Variants in MMP26 observed in about 807,000 individuals in gnomAD.
MMP26 encodes matrix metallopeptidase 26, also known as matrix metalloproteinase-26.
MMP26 carries 33 observed loss-of-function variants against 31.0 expected under a neutral mutation model. The observed-to-expected ratio is 1.06, with a 90% confidence interval of 0.81 to 1.42. MMP26 has a LOEUF of 1.42. MMP26 is among the 40% of genes most tolerant of loss of function. The pLI is 0.00. For missense variants in MMP26, 347 were observed against 316.1 expected (o/e 1.10, Z -0.74); for synonymous variants, 122 against 114.9 (o/e 1.06, Z -0.40).
chr11:4,987,851 T>C (rs967353750), intron 2 of MMP26, among the ~76,000 whole-genome samples: 3 of 152,190 alleles, frequency 2.0e-5, no homozygotes, highest in African/African-American at 4.8e-5. Context: ...AATTATTCTA[T>C]AGATAAAGCT....
At chr11:4,990,834 C>A (rs1033716850) in intron 5 of MMP26, 88 bp downstream of exon 5, 10 of 1,379,300 alleles carry the variant, frequency 7.3e-6, no homozygotes, top group Non-Finnish European at 9.7e-6. Context: ...CCTAGCCCCC[C>A]TATTAAAGTT....
At chr11:4,989,380 C>T (rs919493799) in intron 3 of MMP26, among the ~76,000 whole-genome samples, 1 of 152,110 alleles carries the variant, frequency 6.6e-6, no homozygotes, top group South Asian at 2.1e-4. Flanking sequence ...TTGGGTTTCT[C>T]CATCCTAAAA....
intron 2 of MMP26, among the ~76,000 whole-genome samples, chr11:4,962,921 G>A (rs1163704603): frequency 1.3e-5 from 2 of 152,160 alleles, no homozygotes; most frequent in African/African-American, 4.8e-5. Context: ...TCAAAGTACA[G>A]GGGAAATAGA....
intron 2 of MMP26, among the ~76,000 whole-genome samples, chr11:4,771,118 T>C (rs561140293): frequency 6.6e-6 from 1 of 152,236 alleles, no homozygotes; most frequent in South Asian, 2.1e-4. Context: ...ATCAGGTAGA[T>C]GGAGAATTTT....
chr11:4,878,473 C>T (rs74054616), intron 2 of MMP26, among the ~76,000 whole-genome samples: 2,057 of 152,076 alleles, frequency 0.014, 54 homozygotes, highest in African/African-American at 0.047. Flanking sequence ...ATGGTGCATT[C>T]AGTGAGTTGG....
chr11:4,928,443 A>G (rs1329595614), intron 2 of MMP26, among the ~76,000 whole-genome samples: 1 of 152,192 alleles, frequency 6.6e-6, no homozygotes, highest in Non-Finnish European at 1.5e-5. Flanking sequence ...TTTAACTACC[A>G]ACGTCTGTAT....
At chr11:4,723,317 GC>G in intron 1 of MMP26, 1 of 978,136 alleles carries the variant, frequency 1.0e-6, no homozygotes, top group South Asian at 1.3e-5. Context: ...GCCAGCATCT[GC>G]AGCTCCTCAT....
At chr11:4,935,314 AG>A (rs1304666295) in intron 2 of MMP26, among the ~76,000 whole-genome samples, 1 of 151,544 alleles carries the variant, frequency 6.6e-6, no homozygotes, top group East Asian at 1.9e-4. Context: ...TTGGATTCCT[AG>A]GTATTTTATT....
intron 1 of MMP26, chr11:4,710,051 A>T (rs867279373): frequency 2.2e-6 from 1 of 456,224 alleles, no homozygotes; most frequent in African/African-American, 2.0e-5. Context: ...TAGTGCCTCT[A>T]CTCCTGCTCC....
chr11:4,911,174 A>T (rs1218310182), intron 2 of MMP26, among the ~76,000 whole-genome samples: 1 of 152,174 alleles, frequency 6.6e-6, no homozygotes, highest in Non-Finnish European at 1.5e-5. Context: ...TCTTGACAAG[A>T]ATTATTTATA....
chr11:4,758,811 T>TA (rs1423400337), intron 1 of MMP26, among the ~76,000 whole-genome samples: 4 of 151,944 alleles, frequency 2.6e-5, no homozygotes, highest in African/African-American at 7.2e-5. Flanking sequence ...ATACGACTTT[T>TA]AAAAAATGAC....
chr11:4,718,056 A>G (rs2133271930), intron 1 of MMP26, among the ~76,000 whole-genome samples: 1 of 152,326 alleles, frequency 6.6e-6, no homozygotes, highest in Non-Finnish European at 1.5e-5. Context: ...TATCACGAAT[A>G]GACTGTATGC....
chr11:4,861,784 A>G (rs1850164390), intron 2 of MMP26, among the ~76,000 whole-genome samples: 1 of 152,110 alleles, frequency 6.6e-6, no homozygotes, highest in Non-Finnish European at 1.5e-5. Context: ...CTTCTAATAC[A>G]TTCTTCATTT....
intron 1 of MMP26, chr11:4,736,390 C>T (rs1564897832): frequency 6.6e-6 from 1 of 152,130 alleles, no homozygotes; most frequent in Non-Finnish European, 1.5e-5. Flanking sequence ...GTGCTAAAGA[C>T]CTTATGCCGC....
At chr11:4,709,993 G>A (rs190821855) in intron 1 of MMP26, 15 of 456,636 alleles carry the variant, frequency 3.3e-5, no homozygotes, top group Admixed American at 2.1e-4. Context: ...ACCAATTCAC[G>A]GATTATTAAA....
At chr11:4,860,004 C>T (rs1416421204) in intron 2 of MMP26, 1 of 470,960 alleles carries the variant, frequency 2.1e-6, no homozygotes, top group Admixed American at 2.4e-5. Context: ...AAGCTAGCCG[C>T]ATCATGTTTT....
chr11:4,859,966 T>C (rs1850121820), intron 2 of MMP26: 1 of 470,810 alleles, frequency 2.1e-6, no homozygotes, highest in African/African-American at 2.0e-5. Context: ...GATGAGGCCG[T>C]AGAGGCTGTT....
intron 2 of MMP26, among the ~76,000 whole-genome samples, chr11:4,965,516 A>T (rs904278532): frequency 6.6e-6 from 1 of 152,172 alleles, no homozygotes; most frequent in Non-Finnish European, 1.5e-5. Flanking sequence ...TACATAGATA[A>T]TGAGGCCAAG....
chr11:4,968,946 T>C lies in MMP26; in HGVS notation c.-144-19122T>C, dbSNP rs560404862. ...CCTTTTTCTTTCCTAAACAACATCATATCTTTCATACTTCATACTTTTTCT... is the reference window on the plus strand; with the variant it reads ...CCTTTTTCTTTCCTAAACAACATCACATCTTTCATACTTCATACTTTTTCT... On this transcript the variant is annotated intron_variant, in intron 2 of 7. Coordinates refer to ENST00000380390, the MANE Select transcript of MMP26 (RefSeq NM_021801.5). 7.2e-5 allele frequency among the ~76,000 whole-genome samples: 11 copies of C among 152,176 alleles called. 1 individual carries two copies. In the East Asian group the frequency reaches 1.7e-3, roughly 24 times the overall value.
Sources: allele counts gnomAD v4.1 joint callset (sites outside exome capture counted in the v4.1 genomes callset), GRCh38; gene constraint gnomAD v4.1.1; transcripts MANE v1.5; gene names NCBI Gene and HGNC (gene_info 2026-07-23, HGNC 2026-07-21).